Variants in ZNF438 observed in about 807,000 individuals in gnomAD.
The protein encoded by ZNF438 is zinc finger protein 438.
ZNF438 carries 25 observed loss-of-function variants against 38.0 expected under a neutral mutation model. The ratio of observed to expected loss-of-function variants is 0.66; its 90% CI spans 0.48 to 0.92. The LOEUF (loss-of-function observed/expected upper bound fraction) is 0.92, where lower values mean the gene tolerates loss of function less well. Ranked by LOEUF, ZNF438 falls within the 40% of genes least tolerant of loss-of-function variation. The pLI, the probability that ZNF438 is intolerant of heterozygous loss-of-function variation, is 0.00. For missense variants in ZNF438, 1,007 were observed against 999.6 expected (o/e 1.01, Z -0.10); for synonymous variants, 372 against 364.1 (o/e 1.02, Z -0.25).
chr10:30,940,151 GA>G (rs1387785367), intron 2 of ZNF438, among the ~76,000 whole-genome samples: 1 of 152,044 alleles, frequency 6.6e-6, no homozygotes, highest in Non-Finnish European at 1.5e-5. Flanking sequence ...AATGATGAGA[GA>G]AAAAGCCAGC....
intron 1 of ZNF438, among the ~76,000 whole-genome samples, chr10:31,003,703 C>T (rs1195244987): frequency 2.6e-5 from 4 of 152,156 alleles, no homozygotes; most frequent in Admixed American, 2.0e-4. Flanking sequence ...CTGTGATTAC[C>T]ACAGTAGCCT....
At chr10:30,868,177 CT>C (rs1461832892) in intron 4 of ZNF438, among the ~76,000 whole-genome samples, 1 of 151,734 alleles carries the variant, frequency 6.6e-6, no homozygotes, top group Non-Finnish European at 1.5e-5. Flanking sequence ...TCAAGCAATT[CT>C]TTTGCCTCAG....
In ZNF438 at chr10:30,987,362, C is replaced by A. The variant is rs563063910; in HGVS notation, c.-192+44471G>T. 3.3e-5 allele frequency among the ~76,000 whole-genome samples: 5 copies of A among 149,722 alleles called. No individual in the cohort carries two copies. In the South Asian group the frequency reaches 1.1e-3, roughly 32 times the overall value. ...TAAAATATTTGTGACAAAGCTGATGCTGAATTAAAAAAAAAAAATTCCAGC... is the reference window on the plus strand; with the variant it reads ...TAAAATATTTGTGACAAAGCTGATGATGAATTAAAAAAAAAAAATTCCAGC... On this transcript the variant is annotated intron_variant, in intron 1 of 5. Coordinates refer to ENST00000413025, the Ensembl canonical transcript of ZNF438.
intron 1 of ZNF438, among the ~76,000 whole-genome samples, chr10:30,971,527 C>T (rs966128309): frequency 1.3e-5 from 2 of 152,018 alleles, no homozygotes; most frequent in African/African-American, 2.4e-5. Flanking sequence ...GACATAAATG[C>T]TTTTTGTTTT....
At chr10:30,928,024 T>G (rs907096158) in intron 2 of ZNF438, among the ~76,000 whole-genome samples, 7 of 152,224 alleles carry the variant, frequency 4.6e-5, no homozygotes, top group Non-Finnish European at 8.8e-5. Context: ...CTATTTTATT[T>G]GGGTCTCCGT....
At chr10:30,920,387 T>C (rs1052696682) in intron 2 of ZNF438, 14 of 152,310 alleles carry the variant, frequency 9.2e-5, no homozygotes, top group African/African-American at 3.1e-4. Flanking sequence ...GGAAATGAAA[T>C]ACCTTTGAGG....
intron 1 of ZNF438, among the ~76,000 whole-genome samples, chr10:30,996,980 T>C (rs2054112720): frequency 6.6e-6 from 1 of 151,942 alleles, no homozygotes; most frequent in Non-Finnish European, 1.5e-5. Flanking sequence ...AATTAGAAAA[T>C]ACCTTGAGAT....
chr10:30,967,747 G>A lies in ZNF438; in HGVS notation c.-191-26096C>T, dbSNP rs115068300. Among the ~76,000 whole-genome samples the A allele has an allele frequency of 4.1e-3, 617 of 152,280 alleles. 7 individuals carry two copies. Among genetic ancestry groups the A allele is most frequent in the African/African-American group, 0.014 (579 of 41,560 alleles). On this transcript the variant is annotated intron_variant, in intron 1 of 5. Transcript: ENST00000413025. Reference sequence around the variant, plus strand: ...GGAGCGATTTCTTGTCTTAAAAACAGGAGGTTCGCCTACAAGATCACCTGG... The same window carrying A: ...GGAGCGATTTCTTGTCTTAAAAACAAGAGGTTCGCCTACAAGATCACCTGG...
intron 3 of ZNF438, among the ~76,000 whole-genome samples, chr10:30,902,685 A>G (rs562107890): frequency 6.6e-6 from 1 of 152,350 alleles, no homozygotes; most frequent in African/African-American, 2.4e-5. Context: ...TGCACTCACA[A>G]TCCCTTAGCT....
intron 1 of ZNF438, among the ~76,000 whole-genome samples, chr10:30,981,412 C>G (rs1247210964): frequency 6.6e-6 from 1 of 152,176 alleles, no homozygotes; most frequent in African/African-American, 2.4e-5. Flanking sequence ...ATATCATGAA[C>G]AAACAGTAGG....
At chr10:30,993,092 G>A (rs189639306) in intron 1 of ZNF438, among the ~76,000 whole-genome samples, 1 of 152,308 alleles carries the variant, frequency 6.6e-6, no homozygotes, top group African/African-American at 2.4e-5. Context: ...CTCTCCTCAG[G>A]CTGGCTATGT....
chr10:31,000,127 C>A (rs377261104), intron 1 of ZNF438, among the ~76,000 whole-genome samples: 2 of 152,160 alleles, frequency 1.3e-5, no homozygotes, highest in East Asian at 1.9e-4. Context: ...AGCTTAGAAT[C>A]CAAACTTTCA....
chr10:31,011,484 T>C (rs919669194), intron 1 of ZNF438, among the ~76,000 whole-genome samples: 2 of 152,090 alleles, frequency 1.3e-5, no homozygotes, highest in Non-Finnish European at 2.9e-5. Flanking sequence ...GTGCATCAGA[T>C]ATGAAAGACA....
At chr10:30,932,264 T>G (rs576734340) in intron 2 of ZNF438, among the ~76,000 whole-genome samples, 17 of 152,362 alleles carry the variant, frequency 1.1e-4, no homozygotes, top group Admixed American at 1.0e-3. Context: ...CTCTTTTTAT[T>G]TTTTCATGCA....
chr10:30,949,577 C>CA (rs1435337229), intron 1 of ZNF438, among the ~76,000 whole-genome samples: 30 of 151,712 alleles, frequency 2.0e-4, no homozygotes, highest in African/African-American at 7.2e-4. Context: ...AAATGGAAAA[C>CA]AAAAAAAGGC....
At chr10:30,938,873 C>T (rs1021990301) in intron 2 of ZNF438, among the ~76,000 whole-genome samples, 1 of 152,168 alleles carries the variant, frequency 6.6e-6, no homozygotes, top group African/African-American at 2.4e-5. Flanking sequence ...TGGCTCAGTG[C>T]AACCTCTGCC....
intron 3 of ZNF438, 57 bp from the exon 5 acceptor site, chr10:30,877,122 G>A (rs986802417): frequency 3.1e-6 from 3 of 976,904 alleles, no homozygotes; most frequent in Non-Finnish European, 4.4e-6. Flanking sequence ...GCATGTTAAT[G>A]CATACTAAAT....
chr10:31,023,329 GA>G (rs756155420), intron 1 of ZNF438, among the ~76,000 whole-genome samples: 1 of 151,468 alleles, frequency 6.6e-6, no homozygotes, highest in Non-Finnish European at 1.5e-5. Context: ...TCCCAAAAGA[GA>G]AAAAAAATAG....
chr10:31,028,658 T>C (rs2057092238), intron 1 of ZNF438, among the ~76,000 whole-genome samples: 2 of 152,202 alleles, frequency 1.3e-5, no homozygotes, highest in African/African-American at 2.4e-5. Flanking sequence ...TCTACTCTAA[T>C]TTTATTCCCA....
Sources: allele counts gnomAD v4.1 joint callset (sites outside exome capture counted in the v4.1 genomes callset), GRCh38; gene constraint gnomAD v4.1.1; transcripts MANE v1.5; gene names NCBI Gene and HGNC (gene_info 2026-07-23, HGNC 2026-07-21).